Variants in SNX29 observed in about 807,000 individuals in gnomAD.
SNX29 encodes sorting nexin 29, also known as sorting nexin-29.
Under a neutral mutation model 102.1 loss-of-function variants are expected in SNX29, and 78 were observed. The observed-to-expected ratio is 0.76, with a 90% CI of 0.64 to 0.92. The LOEUF is 0.92. Among genes scored for constraint, SNX29 ranks in the 40% least tolerant of loss-of-function variants. SNX29 has a pLI of 0.00. For missense variants in SNX29, 1,280 were observed against 1,061.7 expected (o/e 1.21, Z -2.86); for synonymous variants, 580 against 414.5 (o/e 1.40, Z -4.85).
At chr16:12,036,168 G>A (rs2057466022) in intron 4 of SNX29, among the ~76,000 whole-genome samples, 1 of 152,046 alleles carries the variant, frequency 6.6e-6, no homozygotes, top group African/African-American at 2.4e-5. Context: ...TCAAACTCCT[G>A]GGGTCCAGCC....
intron 11 of SNX29, among the ~76,000 whole-genome samples, chr16:12,107,176 A>T (rs1026417569): frequency 3.7e-4 from 56 of 152,066 alleles, no homozygotes; most frequent in African/African-American, 1.3e-3. Context: ...CCACAGCTGC[A>T]AGGCTGCACG....
chr16:12,250,938 C>G (rs187954189), intron 14 of SNX29, among the ~76,000 whole-genome samples: 1 of 152,210 alleles, frequency 6.6e-6, no homozygotes, highest in African/African-American at 2.4e-5. Context: ...TCCTGCAGGC[C>G]GCGAGGTACT....
chr16:12,565,568 C>G (rs946593792), intron 20 of SNX29, among the ~76,000 whole-genome samples: 1 of 152,112 alleles, frequency 6.6e-6, no homozygotes, highest in African/African-American at 2.4e-5. Flanking sequence ...CAGAAGCCTA[C>G]TGTCACACCC....
At chr16:12,077,759 T>C (rs888584814) in intron 10 of SNX29, among the ~76,000 whole-genome samples, 1 of 152,122 alleles carries the variant, frequency 6.6e-6, no homozygotes, top group Non-Finnish European at 1.5e-5. Context: ...TAGCTGGGAT[T>C]ACAGGCATGT....
intron 13 of SNX29, among the ~76,000 whole-genome samples, chr16:12,130,320 C>G (rs1398443485): frequency 5.3e-5 from 8 of 150,016 alleles, no homozygotes; most frequent in Non-Finnish European, 7.4e-5. Context: ...ACTAAAAATA[C>G]AAAAATTAGC....
chr16:12,354,978 C>A (rs1266970430), intron 15 of SNX29, among the ~76,000 whole-genome samples: 1 of 152,152 alleles, frequency 6.6e-6, no homozygotes, highest in African/African-American at 2.4e-5. Flanking sequence ...ACCTCAGGGA[C>A]AGAAGGGGGT....
At chr16:11,977,455 C>T (rs2150953775) in intron 1 of SNX29, 1 of 153,078 alleles carries the variant, frequency 6.5e-6, no homozygotes, top group East Asian at 1.9e-4. Context: ...CTCTCCGGTC[C>T]TGGCTTTTAC....
At position 12,254,743 on chromosome 16, in the gene SNX29, AGCTGTGTTGTG is replaced by A. The variant is rs2078519708; in HGVS notation, c.1679-23185_1679-23175del. Among the ~76,000 whole-genome samples, 5 of 152,148 alleles carry A rather than the reference AGCTGTGTTGTG, an allele frequency of 3.3e-5. No individual in the cohort carries two copies. In the South Asian group the frequency reaches 1.0e-3, roughly 32 times the overall value. ...GTGTGCTTGCAGGAGGGGAGAGCCC[AGCTGTGTTGTG>A]GCTGCCGATGGGGCAAATGAGGCAA... On this transcript the variant is annotated intron_variant, in intron 14 of 20. Coordinates refer to ENST00000566228, the MANE Select transcript of SNX29 (RefSeq NM_032167.5).
At chr16:12,001,286 A>AT (rs909828453) in intron 2 of SNX29, among the ~76,000 whole-genome samples, 60 of 152,022 alleles carry the variant, frequency 3.9e-4, no homozygotes, top group African/African-American at 1.4e-3. Context: ...TAATTTTTGT[A>AT]TTTTTTAGTA....
chr16:12,422,291 C>A (rs1450993469), intron 18 of SNX29, among the ~76,000 whole-genome samples: 1 of 152,168 alleles, frequency 6.6e-6, no homozygotes. Flanking sequence ...TACCTCCCCT[C>A]ATGAGGTGGC....
chr16:12,370,389 A>G (rs541197913), intron 16 of SNX29, among the ~76,000 whole-genome samples: 1 of 152,212 alleles, frequency 6.6e-6, no homozygotes, highest in Admixed American at 6.5e-5. Flanking sequence ...GTGAAAACCC[A>G]TCTCTACTAA....
intron 15 of SNX29, among the ~76,000 whole-genome samples, chr16:12,338,444 G>A (rs192266787): frequency 6.6e-6 from 1 of 152,216 alleles, no homozygotes; most frequent in Admixed American, 6.5e-5. Context: ...GAACAAGGAA[G>A]CTCATCCCCT....
chr16:12,144,925 G>T (rs112607316), intron 13 of SNX29, among the ~76,000 whole-genome samples: 29,918 of 152,156 alleles, frequency 0.2, 3,393 homozygotes, highest in Middle Eastern at 0.28. Context: ...GTTTCACCGG[G>T]TTAGCCAGGA....
intron 1 of SNX29, among the ~76,000 whole-genome samples, chr16:11,995,664 A>G (rs907274377): frequency 6.7e-6 from 1 of 150,000 alleles, no homozygotes; most frequent in Admixed American, 6.7e-5. Context: ...AAAAAAAAAA[A>G]GACATCGAGG....
rs1025229074 is a variant in SNX29 at position 12,209,292 on chromosome 16, C to T, written c.1678+9609C>T. ...GTAACCTCTGCCTCCTGAGTTCAAG[C>T]GATTCTCTTACCTTAGCCTCCCAGA... is the stretch of plus-strand genomic sequence containing the variant. On this transcript the variant is annotated intron_variant, in intron 14 of 20. Coordinates refer to ENST00000566228, the MANE Select transcript of SNX29 (RefSeq NM_032167.5). Among the ~76,000 whole-genome samples, 12 of 152,130 alleles carry T rather than the reference C, an allele frequency of 7.9e-5. 1 individual carries two copies. The highest frequency in any genetic ancestry group is 6.2e-4 in the South Asian group (3 of 4,832).
At chr16:12,471,050 G>A (rs7198595) in intron 18 of SNX29, among the ~76,000 whole-genome samples, 23,768 of 152,110 alleles carry the variant, frequency 0.16, 2,501 homozygotes, top group African/African-American at 0.31. Flanking sequence ...GTAGCTGTGC[G>A]CCTTCACACT....
intron 11 of SNX29, among the ~76,000 whole-genome samples, chr16:12,113,223 T>C (rs191986215): frequency 5.3e-5 from 8 of 152,278 alleles, no homozygotes; most frequent in Admixed American, 3.3e-4. Flanking sequence ...CTTTTCCCCA[T>C]TGAATCACCT....
At chr16:12,463,852 G>A (rs891463178) in intron 18 of SNX29, among the ~76,000 whole-genome samples, 2 of 140,852 alleles carry the variant, frequency 1.4e-5, no homozygotes. Context: ...GTGTGTGTGT[G>A]TGAGAGATGA....
intron 19 of SNX29, among the ~76,000 whole-genome samples, chr16:12,508,933 T>C (rs1046860339): frequency 6.6e-5 from 10 of 152,128 alleles, no homozygotes; most frequent in African/African-American, 2.4e-4. Flanking sequence ...AATACTTATC[T>C]CCTTTGAGCC....
Sources: gnomAD v4.1 joint callset for allele counts (sites outside exome capture counted in the v4.1 genomes callset) on GRCh38, gnomAD v4.1.1 for gene constraint, MANE v1.5 for transcripts, NCBI Gene and HGNC (gene_info 2026-07-23, HGNC 2026-07-21) for gene names.